KALRN: variants seen among roughly 807,000 people sequenced by gnomAD.
The protein encoded by KALRN is kalirin.
In KALRN, 70 loss-of-function variants were observed where a neutral mutation model predicts 353.7. The observed-to-expected ratio is 0.20, with a 90% CI of 0.16 to 0.24. The LOEUF is 0.24. KALRN is among the 10% of genes least tolerant of loss of function. The pLI, the probability that KALRN is intolerant of heterozygous loss-of-function variation, is 1.00. For missense variants in KALRN, 2,791 were observed against 3,756.7 expected (o/e 0.74, Z 6.72); for synonymous variants, 1,391 against 1,434.8 (o/e 0.97, Z 0.69).
intron 1 of KALRN, among the ~76,000 whole-genome samples, chr3:124,099,847 C>G (rs888672597): frequency 6.6e-6 from 1 of 152,108 alleles, no homozygotes; most frequent in Admixed American, 6.5e-5. Context: ...ACCTGTTGGC[C>G]ATTTGTATGT....
At chr3:124,234,743 C>G (rs2079551762) in intron 2 of KALRN, 86 bp from the exon 3 acceptor site, 2 of 1,003,890 alleles carry the variant, frequency 2.0e-6, no homozygotes, top group Non-Finnish European at 3.0e-6. Context: ...TCTGATCACC[C>G]AGCACTCAGA....
chr3:124,035,310 T>C (rs1021038711), intron 1 of KALRN, among the ~76,000 whole-genome samples: 2 of 152,122 alleles, frequency 1.3e-5, no homozygotes, highest in Non-Finnish European at 2.9e-5. Context: ...AAGGTGGTTC[T>C]GGGGGCTAAG....
At chr3:124,443,389 C>T (rs933454381) in intron 19 of KALRN, among the ~76,000 whole-genome samples, 1 of 152,096 alleles carries the variant, frequency 6.6e-6, no homozygotes, top group African/African-American at 2.4e-5. Context: ...GGGTAGGGTG[C>T]GTGGTCTGCT....
At chr3:124,080,900 A>G (rs904540190) in intron 1 of KALRN, among the ~76,000 whole-genome samples, 2 of 152,224 alleles carry the variant, frequency 1.3e-5, no homozygotes, top group African/African-American at 2.4e-5. Flanking sequence ...ATCTAAGGAA[A>G]CGATTGTTTT....
chr3:124,103,345 G>A (rs1367271043), intron 1 of KALRN, among the ~76,000 whole-genome samples: 2 of 152,136 alleles, frequency 1.3e-5, no homozygotes, highest in African/African-American at 2.4e-5. Context: ...CCCAGATATG[G>A]CATGTCCTCC....
At chr3:124,252,505 C>T (rs1293379909) in intron 3 of KALRN, among the ~76,000 whole-genome samples, 3 of 152,194 alleles carry the variant, frequency 2.0e-5, no homozygotes, top group Non-Finnish European at 2.9e-5. Context: ...TAGAGGAGGA[C>T]TTGAAACTTA....
At chr3:124,392,909 G>C (rs1366970457) in intron 11 of KALRN, among the ~76,000 whole-genome samples, 1 of 150,910 alleles carries the variant, frequency 6.6e-6, no homozygotes, top group Non-Finnish European at 1.5e-5. Flanking sequence ...CTAGCATTAG[G>C]TATATCTCCC....
intron 3 of KALRN, among the ~76,000 whole-genome samples, 186 bp downstream of exon 3, chr3:124,235,129 T>A (rs937119580): frequency 5.9e-5 from 9 of 152,146 alleles, no homozygotes; most frequent in Non-Finnish European, 1.3e-4. Flanking sequence ...GAGATTCATG[T>A]GAATGGGGTG....
At chr3:124,563,115 C>T (rs760520502) in intron 34 of KALRN, 26 bp downstream of exon 34, 1 of 1,360,236 alleles carries the variant, frequency 7.4e-7, no homozygotes, top group Non-Finnish European at 9.8e-7. Flanking sequence ...GGGTGGGAGG[C>T]ACAGACCAAG....
chr3:124,564,609 A>G (rs569886113), intron 34 of KALRN, among the ~76,000 whole-genome samples: 5 of 152,286 alleles, frequency 3.3e-5, no homozygotes, highest in African/African-American at 1.2e-4. Flanking sequence ...GAGCCTGGGA[A>G]GACAAGATTA....
intron 1 of KALRN, among the ~76,000 whole-genome samples, chr3:124,138,460 A>G (rs1174162056): frequency 2.0e-5 from 3 of 152,220 alleles, no homozygotes; most frequent in African/African-American, 7.2e-5. Flanking sequence ...AATATCTGAC[A>G]AATAGCAATG....
chr3:124,403,550 T>A (rs983202668), intron 13 of KALRN, among the ~76,000 whole-genome samples: 4 of 152,186 alleles, frequency 2.6e-5, no homozygotes, highest in African/African-American at 9.7e-5. Flanking sequence ...ATTCTAAATC[T>A]ATGGGGTTCA....
chr3:124,408,108 G>A (rs1342028251), intron 13 of KALRN, among the ~76,000 whole-genome samples: 1 of 152,160 alleles, frequency 6.6e-6, no homozygotes, highest in Admixed American at 6.5e-5. Flanking sequence ...AAATACTGGA[G>A]GAAGGCAGTG....
chr3:124,131,592 T>G (rs1023041095), intron 1 of KALRN, among the ~76,000 whole-genome samples: 8 of 152,158 alleles, frequency 5.3e-5, no homozygotes, highest in Non-Finnish European at 1.5e-5. Flanking sequence ...CTTTAAAGAA[T>G]TGGGCAGTGA....
At chr3:124,045,235 T>C (rs932606617) in intron 1 of KALRN, among the ~76,000 whole-genome samples, 1 of 152,088 alleles carries the variant, frequency 6.6e-6, no homozygotes. Context: ...CTACTTACTA[T>C]CCTGAAATGA....
intron 34 of KALRN, among the ~76,000 whole-genome samples, chr3:124,599,710 A>T (rs1470079266): frequency 6.6e-6 from 1 of 152,216 alleles, no homozygotes; most frequent in Admixed American, 6.5e-5. Flanking sequence ...AAAACCAGAG[A>T]TAATCCTGTT....
At chr3:124,330,246 T>TCA (rs774251256) in intron 8 of KALRN, among the ~76,000 whole-genome samples, 4,489 of 134,264 alleles carry the variant, frequency 0.033, 80 homozygotes, top group Non-Finnish European at 0.046. Context: ...TCTCTCTCTC[T>TCA]CACACACACA....
intron 34 of KALRN, among the ~76,000 whole-genome samples, chr3:124,585,613 G>A (rs1308482334): frequency 6.6e-6 from 1 of 152,148 alleles, no homozygotes; most frequent in East Asian, 1.9e-4. Context: ...AAGGATCACA[G>A]AGGGAGGGTT....
rs938389278 is a variant in KALRN, at chr3:124,446,688, C to T, written c.3430-75C>T. 11 of 1,561,382 alleles carry T rather than the reference C, an allele frequency of 7.0e-6. No individual in the cohort carries two copies. In the Admixed American group the frequency reaches 1.7e-4, roughly 25 times the overall value. ...TCCATTAAGTTGTCCCAACAATAAC[C>T]TTCATTGTAGTATGGCATGTTTTCC... On this transcript the variant is annotated intron_variant, in intron 20 of 59. Coordinates refer to ENST00000682506, the MANE Select transcript of KALRN (RefSeq NM_001388419.1).
Sources: gnomAD v4.1 joint callset for allele counts (sites outside exome capture counted in the v4.1 genomes callset) on GRCh38, gnomAD v4.1.1 for gene constraint, MANE v1.5 for transcripts, NCBI Gene and HGNC (gene_info 2026-07-23, HGNC 2026-07-21) for gene names.